The following LARGE1 variants were observed in gnomAD, a reference collection of about 807,000 sequenced individuals.
The protein encoded by LARGE1 is xylosyl- and glucuronyltransferase LARGE1.
In LARGE1, 43 loss-of-function variants were observed where a neutral mutation model predicts 87.6. That is an observed-to-expected ratio of 0.49 (90% CI 0.38 to 0.63). The LOEUF is 0.63. Among genes scored for constraint, LARGE1 ranks in the 30% least tolerant of loss-of-function variants. The pLI is 0.00. For missense variants in LARGE1, 802 were observed against 1,000.2 expected, an observed-to-expected ratio of 0.80 and a Z score of 2.67; for synonymous variants, 434 against 394.6, an observed-to-expected ratio of 1.10 and a Z score of -1.18.
At chr22:33,101,222 C>G in the LARGE1 span, among the ~76,000 whole-genome samples, 4 of 152,100 alleles carry the variant, frequency 2.6e-5, no homozygotes, top group Non-Finnish European at 5.9e-5. Flanking sequence ...ATTATCCTCA[C>G]CGTTCCTTAC....
intron 2 of LARGE1, among the ~76,000 whole-genome samples, chr22:33,653,126 G>A (rs1485005990): frequency 6.6e-6 from 1 of 152,160 alleles, no homozygotes; most frequent in Non-Finnish European, 1.5e-5. Flanking sequence ...TTTGAGCAGG[G>A]GTGGGTAAAG....
the LARGE1 span, among the ~76,000 whole-genome samples, chr22:33,087,871 T>C: frequency 3.7e-3 from 557 of 152,258 alleles, 7 homozygotes; most frequent in East Asian, 0.051. Context: ...GAGGTGGAAG[T>C]TGCAGTGAGC....
intron 6 of LARGE1, among the ~76,000 whole-genome samples, chr22:33,481,644 T>C (rs1244488934): frequency 2.0e-5 from 3 of 152,184 alleles, no homozygotes; most frequent in Non-Finnish European, 4.4e-5. Flanking sequence ...ATATCACTAA[T>C]TTTTCTGTTG....
At chr22:33,632,006 T>C (rs768166394) in intron 3 of LARGE1, among the ~76,000 whole-genome samples, 2 of 152,228 alleles carry the variant, frequency 1.3e-5, no homozygotes, top group African/African-American at 2.4e-5. Context: ...TGTATAGACA[T>C]AACACTCATG....
chr22:33,767,849 T>C (rs117051029), intron 1 of LARGE1, among the ~76,000 whole-genome samples: 2,147 of 152,330 alleles, frequency 0.014, 59 homozygotes, highest in African/African-American at 0.049. Flanking sequence ...AAACTGATCC[T>C]AGGTGCATAT....
At chr22:33,455,176 G>T (rs1352662660) in intron 6 of LARGE1, among the ~76,000 whole-genome samples, 3 of 152,184 alleles carry the variant, frequency 2.0e-5, no homozygotes. Context: ...TTGAGGCCTT[G>T]TTGCCAATGC....
chr22:33,494,953 G>A (rs1419529247), intron 6 of LARGE1, among the ~76,000 whole-genome samples: 1 of 152,094 alleles, frequency 6.6e-6, no homozygotes, highest in East Asian at 1.9e-4. Context: ...CTGCACCCTA[G>A]GGCTCAAGGG....
At chr22:33,319,416 G>A (rs1039873509) in intron 10 of LARGE1, among the ~76,000 whole-genome samples, 3 of 151,998 alleles carry the variant, frequency 2.0e-5, no homozygotes, top group Admixed American at 1.3e-4. Flanking sequence ...TTTTTTTTGA[G>A]ACAGAGTCTA....
chr22:33,742,400 G>A (rs893781382), intron 2 of LARGE1, among the ~76,000 whole-genome samples: 6 of 152,148 alleles, frequency 3.9e-5, no homozygotes, highest in African/African-American at 9.7e-5. Context: ...TAAAGGAGGC[G>A]ATCACTCACT....
intron 6 of LARGE1, among the ~76,000 whole-genome samples, chr22:33,538,967 G>C (rs1038238657): frequency 1.3e-5 from 2 of 152,122 alleles, no homozygotes; most frequent in African/African-American, 2.4e-5. Flanking sequence ...CAGTGGATCT[G>C]AGCAAGCATT....
intron 1 of LARGE1, among the ~76,000 whole-genome samples, chr22:33,856,249 T>C (rs1162692539): frequency 6.6e-6 from 1 of 152,110 alleles, no homozygotes; most frequent in East Asian, 1.9e-4. Flanking sequence ...CATGCTCCTC[T>C]GGAAATGTTC....
At chr22:33,304,650 T>C in intron 11 of LARGE1, 143 bp from the exon 12 acceptor site, 1 of 847,264 alleles carries the variant, frequency 1.2e-6, no homozygotes, top group Non-Finnish European at 1.8e-6. Flanking sequence ...ACTCACTCAG[T>C]TCCTTTACCT....
chr22:33,359,287 T>C (rs994014665), intron 9 of LARGE1, among the ~76,000 whole-genome samples: 3 of 152,188 alleles, frequency 2.0e-5, no homozygotes, highest in Non-Finnish European at 4.4e-5. Flanking sequence ...AGCTCTGTCA[T>C]ATTTAGCTGT....
At chr22:33,431,753 C>T (rs2067089018) in intron 7 of LARGE1, among the ~76,000 whole-genome samples, 2 of 152,114 alleles carry the variant, frequency 1.3e-5, no homozygotes, top group African/African-American at 4.8e-5. Context: ...AACACAGATC[C>T]CTGAAGACCT....
intron 4 of LARGE1, among the ~76,000 whole-genome samples, chr22:33,613,666 C>T (rs2079504527): frequency 6.6e-6 from 1 of 152,092 alleles, no homozygotes; most frequent in Non-Finnish European, 1.5e-5. Flanking sequence ...CTACTACACA[C>T]CAAGTTTCTA....
chr22:33,081,445 G>C, the LARGE1 span, among the ~76,000 whole-genome samples: 1 of 152,152 alleles, frequency 6.6e-6, no homozygotes, highest in Non-Finnish European at 1.5e-5. Flanking sequence ...AAAGACTGAG[G>C]CAGGAATGAG....
At chr22:33,537,598 T>TCTGTCACCCAGGAGGCTC (rs1569249081) in intron 6 of LARGE1, among the ~76,000 whole-genome samples, 3 of 151,878 alleles carry the variant, frequency 2.0e-5, no homozygotes, top group Non-Finnish European at 4.4e-5. Flanking sequence ...GACGGAGGCT[T>TCTGTCACCCAGGAGGCTC]GTCTGTCACC....
intron 12 of LARGE1, among the ~76,000 whole-genome samples, chr22:33,299,227 A>G (rs1933805705): frequency 6.6e-6 from 1 of 152,036 alleles, no homozygotes; most frequent in Non-Finnish European, 1.5e-5. Flanking sequence ...CAGTATGGAA[A>G]GAAATGAATT....
At chr22:33,886,358 A>T (rs1035557422) in intron 1 of LARGE1, among the ~76,000 whole-genome samples, 1 of 152,174 alleles carries the variant, frequency 6.6e-6, no homozygotes, top group African/African-American at 2.4e-5. Context: ...TTTGGGCTTA[A>T]ACTGTTTTTA....
Sources: allele counts gnomAD v4.1 joint callset (sites outside exome capture counted in the v4.1 genomes callset), GRCh38; gene constraint gnomAD v4.1.1; transcripts MANE v1.5; gene names NCBI Gene and HGNC (gene_info 2026-07-23, HGNC 2026-07-21).